The following LRRC20 variants were observed in gnomAD, a reference collection of about 807,000 sequenced individuals.
The protein encoded by LRRC20 is leucine rich repeat containing 20.
In LRRC20, 11 loss-of-function variants were observed where a neutral mutation model predicts 14.4. The observed-to-expected ratio is 0.77, with a 90% CI of 0.48 to 1.27. The LOEUF (loss-of-function observed/expected upper bound fraction) is 1.27. Ranked by LOEUF, LRRC20 falls within the 50% of genes most tolerant of loss-of-function variation. LRRC20 has a pLI of 0.00. For missense variants in LRRC20, 219 were observed against 251.2 expected (o/e 0.87, Z 0.87); for synonymous variants, 121 against 107.3 (o/e 1.13, Z -0.79).
intron 3 of LRRC20, among the ~76,000 whole-genome samples, chr10:70,324,327 G>A (rs1361843530): frequency 1.3e-5 from 2 of 152,244 alleles, no homozygotes; most frequent in Non-Finnish European, 2.9e-5. Context: ...GGGGTCAGGA[G>A]GTGCTGGCTC....
chr10:70,305,831 C>A (rs1458104855), intron 4 of LRRC20, among the ~76,000 whole-genome samples: 1 of 151,422 alleles, frequency 6.6e-6, no homozygotes, highest in African/African-American at 2.4e-5. Flanking sequence ...AGCTCCGCCT[C>A]CCGGGTTCAC....
chr10:70,304,470 TTATATATATATATATATATA>T (rs57284629), intron 4 of LRRC20, among the ~76,000 whole-genome samples: 11 of 113,824 alleles, frequency 9.7e-5, no homozygotes, highest in Admixed American at 1.9e-4. Context: ...GGCCACTTCT[TTATATATATATATATATATA>T]TATATATATA....
chr10:70,330,593 G>A (rs752778649), intron 3 of LRRC20, among the ~76,000 whole-genome samples: 2 of 152,148 alleles, frequency 1.3e-5, no homozygotes, highest in South Asian at 2.1e-4. Flanking sequence ...AATTGTTAGA[G>A]TAAATCTCCA....
At chr10:70,331,157 C>T (rs1428895100) in intron 3 of LRRC20, among the ~76,000 whole-genome samples, 2 of 152,194 alleles carry the variant, frequency 1.3e-5, no homozygotes, top group African/African-American at 4.8e-5. Context: ...GGCCAGAGAC[C>T]TCTCTTGTCT....
chr10:70,375,780 A>ACC (rs1426260971), intron 2 of LRRC20, among the ~76,000 whole-genome samples: 1 of 150,854 alleles, frequency 6.6e-6, no homozygotes, highest in Non-Finnish European at 1.5e-5. Context: ...CACACAGGAC[A>ACC]CACAGGTAAC....
At chr10:70,328,850 G>A (rs953169621) in intron 3 of LRRC20, among the ~76,000 whole-genome samples, 4 of 152,050 alleles carry the variant, frequency 2.6e-5, no homozygotes, top group South Asian at 2.1e-4. Context: ...CCCGGGAGGC[G>A]GAGGTTGCAG....
intron 4 of LRRC20, among the ~76,000 whole-genome samples, chr10:70,307,631 A>C (rs1010998488): frequency 2.6e-5 from 4 of 152,126 alleles, no homozygotes; most frequent in South Asian, 2.1e-4. Context: ...AGCTTAGAAA[A>C]CACCACCACC....
intron 2 of LRRC20, among the ~76,000 whole-genome samples, chr10:70,375,622 T>A (rs1844478931): frequency 6.6e-6 from 1 of 152,146 alleles, no homozygotes; most frequent in South Asian, 2.1e-4. Context: ...CCTCTCCATG[T>A]ACCTAACTCC....
At chr10:70,369,595 G>A (rs1249566566) in intron 2 of LRRC20, among the ~76,000 whole-genome samples, 2 of 99,310 alleles carry the variant, frequency 2.0e-5, no homozygotes, top group Non-Finnish European at 3.6e-5. Context: ...GACAGAGTAA[G>A]ACGCTGTCTC....
At position 70,343,733 on chromosome 10, in the gene LRRC20, A is replaced by G. The variant is rs186063228; in HGVS notation, c.83-3031T>C. Among the ~76,000 whole-genome samples, 5 of 152,354 alleles carry G rather than the reference A, an allele frequency of 3.3e-5. No individual in the cohort carries two copies. In the East Asian group the frequency reaches 9.6e-4, roughly 29 times the overall value. ...GTGACCGATATATTAAGGGCTGGAAAGAAGTTTTGTTGGAGTTGTTGTGAA... is the reference window on the plus strand; with the variant it reads ...GTGACCGATATATTAAGGGCTGGAAGGAAGTTTTGTTGGAGTTGTTGTGAA... On this transcript the variant is annotated intron_variant, in intron 2 of 4. Transcript: ENST00000446961.
chr10:70,328,617 A>T (rs1315402612), intron 3 of LRRC20, among the ~76,000 whole-genome samples: 1 of 152,178 alleles, frequency 6.6e-6, no homozygotes, highest in East Asian at 1.9e-4. Context: ...AATCTTTGAA[A>T]ATTAAATACA....
At chr10:70,379,444 A>G (rs1275820850) in intron 1 of LRRC20, among the ~76,000 whole-genome samples, 2 of 152,266 alleles carry the variant, frequency 1.3e-5, no homozygotes, top group Admixed American at 6.5e-5. Context: ...CCTAAGTCCA[A>G]GCCTAGGACT....
intron 3 of LRRC20, among the ~76,000 whole-genome samples, chr10:70,334,480 C>T (rs566219304): frequency 6.6e-6 from 1 of 152,282 alleles, no homozygotes; most frequent in South Asian, 2.1e-4. Context: ...CCGTCTCCTC[C>T]CTTCCCAGAA....
chr10:70,333,851 C>T (rs12768462), intron 3 of LRRC20, among the ~76,000 whole-genome samples: 32,501 of 152,176 alleles, frequency 0.21, 3,805 homozygotes, highest in Non-Finnish European at 0.24. Context: ...ACTGAAAGAA[C>T]CAGAAAATGT....
At chr10:70,315,385 C>A (rs921938901) in intron 4 of LRRC20, among the ~76,000 whole-genome samples, 6 of 152,204 alleles carry the variant, frequency 3.9e-5, no homozygotes, top group Non-Finnish European at 7.3e-5. Context: ...ACATTATGGA[C>A]TGAAATAGAG....
intron 3 of LRRC20, among the ~76,000 whole-genome samples, chr10:70,338,091 T>G (rs1192244747): frequency 6.6e-6 from 1 of 152,228 alleles, no homozygotes; most frequent in Admixed American, 6.5e-5. Context: ...AATCCTGCTC[T>G]AGGAGCCTCT....
chr10:70,299,924 C>T lies in LRRC20; in HGVS notation c.*1430G>A, dbSNP rs1480156599. On this transcript the variant is annotated 3_prime_UTR_variant, in exon 5 of 5. Transcript: ENST00000446961. Reference sequence around the variant, plus strand: ...AAGAGACAAGAGACCTGGGCAGGGACGAGGGAACTGGGAGCATTCTGAGCA... The same window carrying T: ...AAGAGACAAGAGACCTGGGCAGGGATGAGGGAACTGGGAGCATTCTGAGCA... The T allele has an allele frequency of 1.3e-5, 2 of 152,230 alleles. No homozygotes were observed. Among genetic ancestry groups the T allele is most frequent in the South Asian group, 2.1e-4 (1 of 4,828 alleles). 9.4% of individuals were successfully genotyped at this position (152,230 alleles called of 1,614,324 possible).
chr10:70,377,574 C>A (rs776775582), intron 1 of LRRC20, among the ~76,000 whole-genome samples: 7 of 152,182 alleles, frequency 4.6e-5, no homozygotes, highest in Non-Finnish European at 1.0e-4. Context: ...CCAAGGTCAG[C>A]ACCCCTTCTT....
In LRRC20 at chr10:70,303,501, T is replaced by C. The variant is rs1011245158; in HGVS notation, c.401-1993A>G. On this transcript the variant is annotated intron_variant, in intron 4 of 4. Coordinates refer to ENST00000446961, the MANE Select transcript of LRRC20 (RefSeq NM_001278212.2). ...ATGTCCTCTGGAATCAAAACAAACA[T>C]ATCTCCTGTCCCAGCTCTAGTTTCC... 3.3e-5 allele frequency among the ~76,000 whole-genome samples: 5 copies of C among 152,184 alleles called. No homozygotes were observed. The East Asian group carries it at 9.6e-4, about 29-fold the overall frequency.
Sources: gnomAD v4.1 joint callset for allele counts (sites outside exome capture counted in the v4.1 genomes callset) on GRCh38, gnomAD v4.1.1 for gene constraint, MANE v1.5 for transcripts, NCBI Gene and HGNC (gene_info 2026-07-23, HGNC 2026-07-21) for gene names.